Variants in PCDH7 observed in about 807,000 individuals in gnomAD.
The protein encoded by PCDH7 is protocadherin 7, also known as protocadherin-7.
PCDH7 carries 17 observed loss-of-function variants against 58.9 expected under a neutral mutation model. The ratio of observed to expected loss-of-function variants is 0.29; its 90% confidence interval spans 0.20 to 0.43. The LOEUF (loss-of-function observed/expected upper bound fraction) is 0.43, where lower values mean the gene tolerates loss of function less well. Among genes scored for constraint, PCDH7 ranks in the 20% least tolerant of loss-of-function variants. PCDH7 has a pLI of 1.00. For missense variants in PCDH7, 1,274 were observed against 1,441.0 expected, an observed-to-expected ratio of 0.88 and a Z score of 1.88; for synonymous variants, 664 against 616.4, an observed-to-expected ratio of 1.08 and a Z score of -1.14.
intron 1 of PCDH7, among the ~76,000 whole-genome samples, chr4:30,818,274 AC>A (rs1396530314): frequency 6.6e-6 from 1 of 152,114 alleles, no homozygotes; most frequent in Non-Finnish European, 1.5e-5. Flanking sequence ...TGTGATATTT[AC>A]CTATTTATTT....
chr4:31,076,209 T>C (rs1349452897), intron 3 of PCDH7, among the ~76,000 whole-genome samples: 1 of 152,192 alleles, frequency 6.6e-6, no homozygotes, highest in African/African-American at 2.4e-5. Flanking sequence ...GGATCAGCTC[T>C]GGCGTACTCA....
At chr4:30,812,373 T>TGA (rs1727133361) in intron 1 of PCDH7, among the ~76,000 whole-genome samples, 1 of 152,212 alleles carries the variant, frequency 6.6e-6, no homozygotes, top group Non-Finnish European at 1.5e-5. Flanking sequence ...TCATTTCAAA[T>TGA]TTACATGAAA....
At chr4:31,134,390 G>T (rs1269751382) in intron 3 of PCDH7, among the ~76,000 whole-genome samples, 1 of 152,118 alleles carries the variant, frequency 6.6e-6, no homozygotes, top group Non-Finnish European at 1.5e-5. Context: ...AACCCGGGAG[G>T]TGGAGGTTGC....
chr4:30,943,122 T>C (rs1252231450), intron 2 of PCDH7, among the ~76,000 whole-genome samples: 2 of 152,058 alleles, frequency 1.3e-5, no homozygotes, highest in South Asian at 4.1e-4. Context: ...ATCATATTTC[T>C]ATTTTTAAAT....
intron 3 of PCDH7, among the ~76,000 whole-genome samples, chr4:31,095,972 A>AGC (rs1212053268): frequency 6.6e-6 from 1 of 152,216 alleles, no homozygotes; most frequent in Non-Finnish European, 1.5e-5. Context: ...CATGATACTC[A>AGC]CAATCATCAG....
rs1578642652 is a variant in PCDH7 at position 31,043,820 on chromosome 4, A to C, written c.*7+93605A>C. Among the ~76,000 whole-genome samples, 7 of 152,102 alleles carry C rather than the reference A, an allele frequency of 4.6e-5. No homozygotes were observed. In the South Asian group the frequency reaches 1.4e-3, roughly 32 times the overall value. ...TAGAAGTTCTTTAGTTAATATTTTCAAGAGGTTAAAGGAGGATGAGGCTGA... is the reference window on the plus strand; with the variant it reads ...TAGAAGTTCTTTAGTTAATATTTTCCAGAGGTTAAAGGAGGATGAGGCTGA... On this transcript the variant is annotated intron_variant, in intron 3 of 3. Transcript: ENST00000509759.
At chr4:30,763,679 A>G (rs981290186) in intron 1 of PCDH7, among the ~76,000 whole-genome samples, 2 of 152,206 alleles carry the variant, frequency 1.3e-5, no homozygotes, top group African/African-American at 4.8e-5. Context: ...GTATTTCTCA[A>G]ATCCCTTTTC....
At chr4:30,846,900 G>A (rs953205344) in intron 1 of PCDH7, among the ~76,000 whole-genome samples, 8 of 152,152 alleles carry the variant, frequency 5.3e-5, no homozygotes, top group East Asian at 1.9e-4. Context: ...GAGACAGAAG[G>A]ATTGCTTGAG....
intron 3 of PCDH7, among the ~76,000 whole-genome samples, chr4:31,008,734 GT>G (rs1329188056): frequency 2.0e-5 from 3 of 152,124 alleles, no homozygotes; most frequent in East Asian, 1.9e-4. Flanking sequence ...TGCCTGCCAT[GT>G]TTTTTTGTCC....
At chr4:30,933,406 T>G (rs1560513526) in intron 2 of PCDH7, among the ~76,000 whole-genome samples, 1 of 152,144 alleles carries the variant, frequency 6.6e-6, no homozygotes, top group Non-Finnish European at 1.5e-5. Context: ...AAAAACACAT[T>G]GCTTTTGCTC....
downstream of PCDH7, chr4:31,143,866 C>A (rs559418366): frequency 1.3e-5 from 2 of 151,978 alleles, no homozygotes; most frequent in Admixed American, 1.3e-4. Flanking sequence ...TATTTGAAAG[C>A]GCAGAAAATG....
At chr4:30,929,380 A>C (rs1184139806) in intron 2 of PCDH7, among the ~76,000 whole-genome samples, 1 of 152,106 alleles carries the variant, frequency 6.6e-6, no homozygotes, top group Non-Finnish European at 1.5e-5. Flanking sequence ...GTCTCTGATA[A>C]ATTTTACTTA....
intron 3 of PCDH7, among the ~76,000 whole-genome samples, chr4:30,968,413 TATGG>T (rs1387583980): frequency 0.32 from 19,924 of 62,974 alleles, 3,535 homozygotes; most frequent in African/African-American, 0.41. Context: ...TATATATATA[TATGG>T]GATATTATGT....
intron 3 of PCDH7, among the ~76,000 whole-genome samples, chr4:31,076,419 A>G (rs969195373): frequency 6.6e-6 from 1 of 152,258 alleles, no homozygotes; most frequent in Non-Finnish European, 1.5e-5. Context: ...ATATTCTAAG[A>G]GAAAATCTAG....
Position 30,847,559 on chromosome 4 carries a change from T to C in PCDH7, c.71-72594T>C, listed in dbSNP as rs145848393. 7.2e-3 allele frequency among the ~76,000 whole-genome samples: 1,095 copies of C among 152,330 alleles called. 5 individuals are homozygous for C. The highest frequency in any genetic ancestry group is 0.014 in the Admixed American group (219 of 15,290). ...ATGTGAATAGTATACAGTTAAATTA[T>C]TACTTCTTCAGCCAACCAAGTGAAC... On this transcript the variant is annotated intron_variant, in intron 1 of 3. Transcript: ENST00000509759.
At chr4:30,983,241 C>T (rs981575985) in intron 3 of PCDH7, among the ~76,000 whole-genome samples, 1 of 152,166 alleles carries the variant, frequency 6.6e-6, no homozygotes, top group African/African-American at 2.4e-5. Context: ...GTGTCTACAT[C>T]TATAAGTGTA....
intron 1 of PCDH7, among the ~76,000 whole-genome samples, chr4:30,806,902 A>T (rs1483359786): frequency 1.3e-5 from 2 of 151,972 alleles, no homozygotes; most frequent in Non-Finnish European, 2.9e-5. Context: ...GTTTTACCTG[A>T]TTATCTACAT....
At chr4:31,146,095 G>A (rs557584042), downstream of PCDH7, 2 of 152,084 alleles carry the variant, frequency 1.3e-5, no homozygotes, top group African/African-American at 4.8e-5. Context: ...GTTTCTGACT[G>A]GCCTGCTGCC....
intron 1 of PCDH7, among the ~76,000 whole-genome samples, chr4:30,898,388 T>G (rs997242342): frequency 7.9e-5 from 12 of 152,172 alleles, no homozygotes; most frequent in African/African-American, 2.7e-4. Context: ...GCTCCACTTC[T>G]GGTAGATAGT....
Sources: gnomAD v4.1 joint callset for allele counts (sites outside exome capture counted in the v4.1 genomes callset) on GRCh38, gnomAD v4.1.1 for gene constraint, MANE v1.5 for transcripts, NCBI Gene and HGNC (gene_info 2026-07-23, HGNC 2026-07-21) for gene names.